The following KHDRBS2 variants were observed in gnomAD, a reference collection of about 807,000 sequenced individuals.
The protein encoded by KHDRBS2 is KH RNA binding domain containing, signal transduction associated 2, also known as KH domain-containing, RNA-binding, signal transduction-associated protein 2.
In KHDRBS2, 26 loss-of-function variants were observed where a neutral mutation model predicts 44.3. The ratio of observed to expected loss-of-function variants is 0.59; its 90% CI spans 0.43 to 0.81. KHDRBS2 has a LOEUF of 0.81. KHDRBS2 is among the 40% of genes least tolerant of loss of function. The pLI, the probability that KHDRBS2 is intolerant of heterozygous loss-of-function variation, is 0.00. For synonymous variants in KHDRBS2, 194 were observed against 151.1 expected (o/e 1.28, Z -2.08); for missense variants, 476 against 433.1 (o/e 1.10, Z -0.88).
chr6:61,808,233 T>C (rs1787484454), intron 6 of KHDRBS2, among the ~76,000 whole-genome samples: 1 of 152,106 alleles, frequency 6.6e-6, no homozygotes, highest in Non-Finnish European at 1.5e-5. Flanking sequence ...TATTTGAAAG[T>C]AGAATTCATT....
chr6:61,631,305 C>CAAAAAAAAAAAAAAA, the KHDRBS2 span, among the ~76,000 whole-genome samples: 12 of 66,994 alleles, frequency 1.8e-4, no homozygotes, highest in East Asian at 2.1e-3. Context: ...ACGAATAAGC[C>CAAAAAAAAAAAAAAA]AAAAAAAAAA....
At chr6:61,933,097 G>A (rs1810396535) in intron 4 of KHDRBS2, among the ~76,000 whole-genome samples, 1 of 152,128 alleles carries the variant, frequency 6.6e-6, no homozygotes, top group African/African-American at 2.4e-5. Context: ...CAGAAAGTAT[G>A]GGTGGGGAGG....
intron 7 of KHDRBS2, among the ~76,000 whole-genome samples, chr6:61,719,097 T>G (rs1771920650): frequency 6.6e-6 from 1 of 152,196 alleles, no homozygotes; most frequent in Non-Finnish European, 1.5e-5. Context: ...TCCTAGGTTG[T>G]GTGAGTTCCT....
chr6:62,137,237 A>G (rs1811770382), intron 2 of KHDRBS2, among the ~76,000 whole-genome samples: 2 of 151,942 alleles, frequency 1.3e-5, no homozygotes, highest in South Asian at 4.1e-4. Flanking sequence ...TCCTGACCTC[A>G]GGATCCGCCC....
the KHDRBS2 span, among the ~76,000 whole-genome samples, chr6:61,617,959 T>G: frequency 6.6e-6 from 1 of 152,220 alleles, no homozygotes; most frequent in African/African-American, 2.4e-5. Context: ...CAAGAAAATT[T>G]GCACTATTTT....
chr6:61,713,567 T>C (rs1381486772), intron 7 of KHDRBS2, among the ~76,000 whole-genome samples: 1 of 140,886 alleles, frequency 7.1e-6, no homozygotes, highest in Non-Finnish European at 1.5e-5. Context: ...AGTCAGGTGA[T>C]CTGATACCTT....
intron 6 of KHDRBS2, among the ~76,000 whole-genome samples, chr6:61,842,631 A>G (rs1226847778): frequency 6.6e-6 from 1 of 152,152 alleles, no homozygotes; most frequent in Non-Finnish European, 1.5e-5. Context: ...ACCCTCATAC[A>G]TTGCTATTGA....
chr6:61,545,501 C>CTG, the KHDRBS2 span, among the ~76,000 whole-genome samples: 72,289 of 148,262 alleles, frequency 0.49, 17,499 homozygotes, highest in Non-Finnish European at 0.53. Context: ...TAGCTAATCT[C>CTG]TGTGTGTGTG....
the KHDRBS2 span, among the ~76,000 whole-genome samples, chr6:61,547,110 A>G: frequency 2.6e-5 from 4 of 151,420 alleles, no homozygotes; most frequent in African/African-American, 9.7e-5. Flanking sequence ...AAACCAGAGT[A>G]CCCAGAGAAA....
intron 1 of KHDRBS2, among the ~76,000 whole-genome samples, chr6:62,210,618 G>T (rs1828884725): frequency 6.6e-6 from 1 of 151,802 alleles, no homozygotes; most frequent in African/African-American, 2.4e-5. Flanking sequence ...GGCTATTCTA[G>T]CATTCTTAAA....
intron 2 of KHDRBS2, among the ~76,000 whole-genome samples, chr6:62,086,539 T>C (rs1378567946): frequency 2.0e-5 from 3 of 152,114 alleles, no homozygotes; most frequent in Admixed American, 6.6e-5. Context: ...CTCTCATAAA[T>C]ACAAACTGAG....
At chr6:61,555,944 G>T in the KHDRBS2 span, among the ~76,000 whole-genome samples, 2 of 152,234 alleles carry the variant, frequency 1.3e-5, no homozygotes, top group Non-Finnish European at 2.9e-5. Context: ...CTAAAGGACA[G>T]TGTTAGCCAA....
chr6:62,246,487 T>A (rs1835597111), intron 1 of KHDRBS2, among the ~76,000 whole-genome samples: 1 of 152,062 alleles, frequency 6.6e-6, no homozygotes, highest in Admixed American at 6.6e-5. Context: ...ATAACCCAAT[T>A]CTGTTCTTGT....
At chr6:61,707,803 G>C (rs1011237821) in intron 7 of KHDRBS2, among the ~76,000 whole-genome samples, 10 of 151,600 alleles carry the variant, frequency 6.6e-5, no homozygotes, top group African/African-American at 2.2e-4. Context: ...CATTAAAATA[G>C]ATAGGTATAA....
rs60399147 is a variant in KHDRBS2 at position 61,818,266 on chromosome 6, T to TAAAAAAAAAAAA, written c.810+76357_810+76368dup. Reference sequence around the variant, plus strand: ...ATTGGGCAGAGAAAACCTCTGTAAGTAAAAAAAAAAAAAAAAAGGATAGTA... The same window carrying TAAAAAAAAAAAA: ...ATTGGGCAGAGAAAACCTCTGTAAGTAAAAAAAAAAAAAAAAAAAAAAAAAAAAAGGATAGTA... On this transcript the variant is annotated intron_variant, in intron 6 of 8. Coordinates refer to ENST00000281156, the MANE Select transcript of KHDRBS2 (RefSeq NM_152688.4). Among the ~76,000 whole-genome samples, 81 of 114,416 alleles carry TAAAAAAAAAAAA rather than the reference T, an allele frequency of 7.1e-4. 2 individuals carry two copies. The highest frequency in any genetic ancestry group is 2.4e-3 in the African/African-American group (78 of 31,844). The allele number at this position is 114,416 out of a possible 152,430, so 75.1% of individuals were successfully genotyped here.
At chr6:61,556,872 A>ATTTTTTTTTTTT in the KHDRBS2 span, among the ~76,000 whole-genome samples, 1 of 87,498 alleles carries the variant, frequency 1.1e-5, no homozygotes, top group South Asian at 4.3e-4. Context: ...TGAAATTGAG[A>ATTTTTTTTTTTT]TTTTTTTTTT....
intron 2 of KHDRBS2, among the ~76,000 whole-genome samples, chr6:62,069,363 A>C (rs1372293307): frequency 2.0e-5 from 3 of 151,914 alleles, no homozygotes; most frequent in Middle Eastern, 3.4e-3. Context: ...CCGTAAGTTT[A>C]TGTCACCTGT....
chr6:62,072,234 A>G (rs552642003), intron 2 of KHDRBS2, among the ~76,000 whole-genome samples: 80 of 152,182 alleles, frequency 5.3e-4, no homozygotes, highest in African/African-American at 1.9e-3. Flanking sequence ...GCTTAAGGAG[A>G]TTTTGGGCTG....
chr6:61,876,953 C>T (rs1799498448), intron 6 of KHDRBS2, among the ~76,000 whole-genome samples: 1 of 152,008 alleles, frequency 6.6e-6, no homozygotes, highest in Non-Finnish European at 1.5e-5. Flanking sequence ...AGGTGGTATA[C>T]ATTAGACTGG....
Sources: gnomAD v4.1 joint callset for allele counts (sites outside exome capture counted in the v4.1 genomes callset) on GRCh38, gnomAD v4.1.1 for gene constraint, MANE v1.5 for transcripts, NCBI Gene and HGNC (gene_info 2026-07-23, HGNC 2026-07-21) for gene names.